The following OSBPL11 variants were observed in gnomAD, a reference collection of about 807,000 sequenced individuals.
OSBPL11 encodes the protein oxysterol-binding protein-related protein 11.
A neutral mutation model predicts 84.4 loss-of-function variants in OSBPL11; 33 were observed. That is an observed-to-expected ratio of 0.39 (90% confidence interval 0.30 to 0.52). The LOEUF is 0.52. Among genes scored for constraint, OSBPL11 ranks in the 20% least tolerant of loss-of-function variants. The pLI, the probability that OSBPL11 is intolerant of heterozygous loss-of-function variation, is 0.72. For synonymous variants in OSBPL11, 276 were observed against 310.2 expected (o/e 0.89, Z 1.16); for missense variants, 736 against 901.1 (o/e 0.82, Z 2.35).
At chr3:125,534,077 A>T (rs1247856201) in intron 11 of OSBPL11, among the ~76,000 whole-genome samples, 1 of 152,160 alleles carries the variant, frequency 6.6e-6, no homozygotes, top group Non-Finnish European at 1.5e-5. Flanking sequence ...CATTCGTGTC[A>T]AGGGCACATG....
intron 1 of OSBPL11, among the ~76,000 whole-genome samples, chr3:125,587,582 C>T (rs2107613131): frequency 6.6e-6 from 1 of 152,268 alleles, no homozygotes; most frequent in South Asian, 2.1e-4. Context: ...TCAGGAACAA[C>T]TGAGTAGTGG....
intron 4 of OSBPL11, 43 bp downstream of exon 4, chr3:125,578,917 T>G: frequency 8.0e-7 from 1 of 1,246,166 alleles, no homozygotes; most frequent in Non-Finnish European, 1.1e-6. Flanking sequence ...AAAATATTCC[T>G]TCCTCATTTT....
chr3:125,574,280 A>C (rs1459446793), intron 5 of OSBPL11, among the ~76,000 whole-genome samples: 1 of 152,138 alleles, frequency 6.6e-6, no homozygotes, highest in Non-Finnish European at 1.5e-5. Context: ...GAAAAAAAAA[A>C]AAAAGCCAAT....
In OSBPL11 at chr3:125,594,660, G is replaced by A; in HGVS notation, c.141C>T (p.Gly47=). ...ACCTGTACTGCCAGCCTTTTGCACT[G>A]CCACCGCGGCTGCTGCTGCTGCTAC... The part of the protein sequence containing the change: ...GISSSSSSRG[G]SAKGWQYSDH... Residue 47 remains glycine (G), a synonymous_variant, in exon 1 of 13, where the codon GGC becomes GGT. Coordinates refer to ENST00000296220, the MANE Select transcript of OSBPL11 (RefSeq NM_022776.5). 3 of 1,613,744 alleles carry A rather than the reference G, an allele frequency of 1.9e-6. No homozygotes were observed. The highest frequency in any genetic ancestry group is 2.5e-6 in the Non-Finnish European group (3 of 1,180,000).
At chr3:125,585,160 T>C (rs1393223289) in intron 1 of OSBPL11, among the ~76,000 whole-genome samples, 1 of 152,212 alleles carries the variant, frequency 6.6e-6, no homozygotes, top group Non-Finnish European at 1.5e-5. Flanking sequence ...CGACAGAGTC[T>C]CGCTCTTTTG....
Position 125,530,669 on chromosome 3 carries a change from A to T in OSBPL11, c.2179-89T>A. The T allele has an allele frequency of 6.6e-6, 7 of 1,061,102 alleles. No homozygotes were observed. In the South Asian group the frequency reaches 9.3e-5, roughly 14 times the overall value. The allele number at this position is 1,061,102 out of a possible 1,614,324, so 65.7% of individuals were successfully genotyped here. On this transcript the variant is annotated intron_variant, in intron 12 of 12. Coordinates refer to ENST00000296220, the MANE Select transcript of OSBPL11 (RefSeq NM_022776.5). ...AGAAGCAACACCTTCACTGAAATGG[A>T]ATTCTATTTTCACATTCAAAAACAA...
At chr3:125,568,873 C>T (rs1308571159) in intron 5 of OSBPL11, among the ~76,000 whole-genome samples, 4 of 152,192 alleles carry the variant, frequency 2.6e-5, no homozygotes, top group Non-Finnish European at 4.4e-5. Context: ...ATCCTTTGAA[C>T]ACTAGTTTAG....
intron 1 of OSBPL11, among the ~76,000 whole-genome samples, chr3:125,583,667 G>T (rs1242803377): frequency 1.3e-5 from 2 of 151,548 alleles, no homozygotes; most frequent in South Asian, 4.2e-4. Context: ...AAGATAGGGG[G>T]ATCACTTGAG....
chr3:125,571,379 G>T (rs1936239306), intron 5 of OSBPL11, among the ~76,000 whole-genome samples: 1 of 152,208 alleles, frequency 6.6e-6, no homozygotes, highest in Non-Finnish European at 1.5e-5. Flanking sequence ...CCCATTTTCT[G>T]AGGAGAAATT....
intron 11 of OSBPL11, among the ~76,000 whole-genome samples, chr3:125,533,923 T>G (rs1012319098): frequency 6.6e-6 from 1 of 152,130 alleles, no homozygotes; most frequent in Admixed American, 6.5e-5. Context: ...TGACCTGACG[T>G]TTATAGAACA....
chr3:125,572,854 T>C (rs1936262412), intron 5 of OSBPL11, among the ~76,000 whole-genome samples: 1 of 145,890 alleles, frequency 6.9e-6, no homozygotes, highest in South Asian at 2.1e-4. Context: ...TATTTATATA[T>C]ATTTATATAT....
At chr3:125,584,474 T>C (rs1341738990) in intron 1 of OSBPL11, among the ~76,000 whole-genome samples, 1 of 152,244 alleles carries the variant, frequency 6.6e-6, no homozygotes, top group African/African-American at 2.4e-5. Context: ...CATAAGAGGT[T>C]TGAGGTAGTA....
Position 125,594,706 on chromosome 3 carries a change from C to A in OSBPL11, c.95G>T (p.Ser32Ile). ...QATAVTPNKN[S>I]SCGGGISSSS... Reference sequence around the variant, plus strand: ...GCTACTGATTCCACCTCCACAGCTGCTGTTCTTGTTCGGGGTCACCGCTGT... The same window carrying A: ...GCTACTGATTCCACCTCCACAGCTGATGTTCTTGTTCGGGGTCACCGCTGT... Residue 32 changes from serine (S) to isoleucine (I), a missense_variant, in exon 1 of 13, where the codon AGC becomes ATC. This residue lies in a region of OSBPL11 where 114 missense variants were observed against 104.9 expected (regional missense o/e 1.09). Transcript: ENST00000296220. 1 of 1,614,188 alleles carries A rather than the reference C, an allele frequency of 6.2e-7. No homozygotes were observed. Among genetic ancestry groups the A allele is most frequent in the Non-Finnish European group, 8.5e-7 (1 of 1,180,036 alleles).
chr3:125,534,696 C>T (rs1463447391), intron 11 of OSBPL11, among the ~76,000 whole-genome samples: 2 of 151,192 alleles, frequency 1.3e-5, no homozygotes, highest in Non-Finnish European at 2.9e-5. Flanking sequence ...CAGCATTAAA[C>T]ATTTAGGAAA....
chr3:125,531,828 T>G (rs748321850), intron 12 of OSBPL11, 33 bp downstream of exon 12: 1 of 1,572,398 alleles, frequency 6.4e-7, no homozygotes, highest in Non-Finnish European at 8.6e-7. Context: ...GCCAAGTAGA[T>G]ACATTTTTAT....
chr3:125,535,722 G>T (rs921523615), intron 11 of OSBPL11, among the ~76,000 whole-genome samples: 1 of 150,172 alleles, frequency 6.7e-6, no homozygotes, highest in Non-Finnish European at 1.5e-5. Flanking sequence ...TGACACACCC[G>T]CCTTGGCCTT....
intron 1 of OSBPL11, among the ~76,000 whole-genome samples, chr3:125,590,277 C>T (rs759966060): frequency 6.6e-6 from 1 of 152,196 alleles, no homozygotes; most frequent in African/African-American, 2.4e-5. Flanking sequence ...GGGCCAGGCA[C>T]GGTGGCTCAC....
chr3:125,560,897 C>G (rs1022608848), intron 7 of OSBPL11, among the ~76,000 whole-genome samples: 4 of 152,118 alleles, frequency 2.6e-5, no homozygotes, highest in African/African-American at 9.7e-5. Context: ...TGGAGTTTCA[C>G]CATGTTGGCC....
Position 125,538,599 on chromosome 3 carries a change from T to C in OSBPL11, c.1876A>G (p.Thr626Ala), listed in dbSNP as rs763407463. ...TCCCCTTGCACTCTGCATACCACAG[T>C]GTTGGTGATGTTGTGCTTTACTTCA... ...TAEVKHNITNTVVCRVQGEWN... is the reference protein window; with the variant it reads ...TAEVKHNITNAVVCRVQGEWN... Residue 626 changes from threonine to alanine, a missense_variant, in exon 11 of 13, where the codon ACT (threonine) becomes GCT (alanine). Thr to Ala is a moderately conservative substitution (Grantham distance 58). Coordinates refer to ENST00000296220, the MANE Select transcript of OSBPL11 (RefSeq NM_022776.5). 9.3e-6 allele frequency: 15 copies of C among 1,611,602 alleles called. No homozygotes were observed. Among genetic ancestry groups the C allele is most frequent in the Non-Finnish European group, 1.3e-5 (15 of 1,179,190 alleles).
Sources: gnomAD v4.1 joint callset for allele counts (sites outside exome capture counted in the v4.1 genomes callset) on GRCh38, gnomAD v4.1.1 for gene constraint, gnomAD v4.1.1 regional missense constraint, MANE v1.5 for transcripts, NCBI Gene and HGNC (gene_info 2026-07-23, HGNC 2026-07-21) for gene names.